HBS1L: variants seen among roughly 807,000 people sequenced by gnomAD.
HBS1L encodes HBS1 like translational GTPase.
In HBS1L, 55 loss-of-function variants were observed where a neutral mutation model predicts 88.9. The ratio of observed to expected loss-of-function variants is 0.62; its 90% CI spans 0.50 to 0.77. The LOEUF is 0.77. HBS1L is among the 30% of genes least tolerant of loss of function. The pLI is 0.00. For missense variants in HBS1L, 741 were observed against 829.3 expected, an observed-to-expected ratio of 0.89 and a Z score of 1.31; for synonymous variants, 267 against 288.5, an observed-to-expected ratio of 0.93 and a Z score of 0.76.
intron 4 of HBS1L, among the ~76,000 whole-genome samples, chr6:135,008,749 T>G (rs756173142): frequency 2.6e-5 from 4 of 152,066 alleles, no homozygotes; most frequent in Non-Finnish European, 5.9e-5. Context: ...CCCCAATTTA[T>G]GCTCTTCTGA....
intron 8 of HBS1L, among the ~76,000 whole-genome samples, chr6:134,990,341 C>T (rs1476459834): frequency 3.9e-5 from 6 of 152,274 alleles, no homozygotes; most frequent in African/African-American, 1.2e-4. Flanking sequence ...GTTCTTGCAG[C>T]GCAACTGTTA....
At chr6:134,968,428 T>C (rs1774381791) in intron 16 of HBS1L, among the ~76,000 whole-genome samples, 1 of 152,004 alleles carries the variant, frequency 6.6e-6, no homozygotes, top group African/African-American at 2.4e-5. Context: ...TTTGTATTTT[T>C]AGTAGAGACG....
intron 4 of HBS1L, among the ~76,000 whole-genome samples, chr6:135,017,401 T>G (rs1775952448): frequency 6.6e-6 from 1 of 152,152 alleles, no homozygotes; most frequent in Admixed American, 6.5e-5. Context: ...CATAAAATCC[T>G]CAACTGAATG....
Position 134,985,427 on chromosome 6 carries a change from CA to C in HBS1L, c.1424-19del. The C allele has an allele frequency of 1.3e-6, 2 of 1,541,868 alleles. No individual in the cohort carries two copies. The highest frequency in any genetic ancestry group is 1.8e-6 in the Non-Finnish European group (2 of 1,128,408). ...AAAGGAATCTGGAAAAAAGAAATTG[CA>C]AAAGGCAAGGTTTAATTTAAAATTA... is the stretch of plus-strand genomic sequence containing the variant. On this transcript the variant is annotated intron_variant, in intron 11 of 17. Coordinates refer to ENST00000367837, the MANE Select transcript of HBS1L (RefSeq NM_006620.4).
chr6:135,009,731 T>G (rs1775719232), intron 4 of HBS1L, among the ~76,000 whole-genome samples: 1 of 152,050 alleles, frequency 6.6e-6, no homozygotes, highest in Non-Finnish European at 1.5e-5. Context: ...CCTCCTGGGT[T>G]CACGCCATTC....
At chr6:134,977,327 T>C (rs959714217) in intron 15 of HBS1L, among the ~76,000 whole-genome samples, 2 of 152,016 alleles carry the variant, frequency 1.3e-5, no homozygotes, top group African/African-American at 4.8e-5. Flanking sequence ...AATATTATTA[T>C]TGCATGAGTA....
intron 4 of HBS1L, among the ~76,000 whole-genome samples, chr6:135,013,334 A>G (rs1212643358): frequency 6.6e-6 from 1 of 152,242 alleles, no homozygotes; most frequent in East Asian, 1.9e-4. Flanking sequence ...ATACCAGGAC[A>G]TTTACAAACA....
intron 7 of HBS1L, 57 bp from the exon 8 acceptor site, chr6:134,993,932 A>C: frequency 1.4e-6 from 1 of 729,378 alleles, no homozygotes; most frequent in Non-Finnish European, 2.3e-6. Context: ...TATAGAGTAA[A>C]TTAATAATAG....
chr6:135,018,357 T>A (rs1395329472), intron 4 of HBS1L, among the ~76,000 whole-genome samples: 3 of 152,022 alleles, frequency 2.0e-5, no homozygotes, highest in Non-Finnish European at 2.9e-5. Flanking sequence ...ATAACTTGCC[T>A]CATCAAATCC....
At position 134,962,871 on chromosome 6, in the gene HBS1L, C is replaced by T. The variant is rs1774216363; in HGVS notation, c.*2408G>A. 6.6e-6 allele frequency: 1 copy of T among 152,210 alleles called. No homozygotes were observed. Among genetic ancestry groups the T allele is most frequent in the African/African-American group, 2.4e-5 (1 of 41,462 alleles). The allele number at this position is 152,210 out of a possible 1,614,324, so 9.4% of individuals were successfully genotyped here. On this transcript the variant is annotated 3_prime_UTR_variant, in exon 18 of 18. Coordinates refer to ENST00000367837, the MANE Select transcript of HBS1L (RefSeq NM_006620.4). ...CTGCTTTACCTCTTTGTCACTTAAT[C>T]AACTCGAGCCTTCCACTGCCAACAG...
chr6:134,991,633 A>G (rs1583081895), intron 8 of HBS1L, among the ~76,000 whole-genome samples: 1 of 152,348 alleles, frequency 6.6e-6, no homozygotes. Context: ...TCAATCTTTT[A>G]TCACATTCAG....
Position 134,987,673 on chromosome 6 carries a change from A to G in HBS1L, c.1202T>C (p.Leu401Pro). The change falls in exon 9 of 18, where the codon CTT (leucine) becomes CCT (proline). Residue 401 changes from leucine (L) to proline (P), a missense_variant. Around this residue, in one of 3 missense-constraint regions of HBS1L, gnomAD observed 556 missense variants for 598.4 expected, o/e 0.93. Coordinates refer to ENST00000367837, the MANE Select transcript of HBS1L (RefSeq NM_006620.4). ...LLVRSLGVTQLAVAVNKMDQV... is the reference protein window; with the variant it reads ...LLVRSLGVTQPAVAVNKMDQV... ...ATCCATTTTATTAACTGCAACTGCA[A>G]GCTGCGTCACTCCCAGAGAACGGAC... 6.2e-7 allele frequency: 1 copy of G among 1,603,524 alleles called. No homozygotes were observed. The highest frequency in any genetic ancestry group is 8.5e-7 in the Non-Finnish European group (1 of 1,175,242).
At chr6:134,966,592 CAAG>C (rs1774322875) in intron 16 of HBS1L, 119 bp from the exon 17 acceptor site, 7 of 622,394 alleles carry the variant, frequency 1.1e-5, no homozygotes, top group South Asian at 1.0e-4. Flanking sequence ...CTTTCAAAAA[CAAG>C]AAAAATATTT....
At chr6:134,966,503 A>G in intron 16 of HBS1L, 30 bp from the exon 17 acceptor site, 2 of 1,480,064 alleles carry the variant, frequency 1.4e-6, no homozygotes, top group Non-Finnish European at 1.8e-6. Flanking sequence ...ACAAATGAAT[A>G]TATGATAGAG....
At chr6:134,969,381 A>T (rs1399347890) in intron 15 of HBS1L, 43 bp from the exon 16 acceptor site, 1 of 1,192,154 alleles carries the variant, frequency 8.4e-7, no homozygotes, top group Non-Finnish European at 1.3e-6. Flanking sequence ...CTACCACAGT[A>T]TCTCTGGCCT....
chr6:134,998,480 C>CT (rs1219573660), intron 5 of HBS1L, among the ~76,000 whole-genome samples: 1 of 152,158 alleles, frequency 6.6e-6, no homozygotes, highest in Non-Finnish European at 1.5e-5. Context: ...CCTCACTTTG[C>CT]TTTAACAACT....
In HBS1L at chr6:134,964,516, T is replaced by C. The variant is rs1411983851; in HGVS notation, c.*763A>G. 1 of 152,142 alleles carries C rather than the reference T, an allele frequency of 6.6e-6. No individual in the cohort carries two copies. The highest frequency in any genetic ancestry group is 1.5e-5 in the Non-Finnish European group (1 of 68,010). 9.4% of individuals were successfully genotyped at this position (152,142 alleles called of 1,614,324 possible). A position where few individuals can be genotyped will look rare whatever the true frequency, so the allele number is the denominator to read the frequency against. ...TGCCATTAGGATAAAAAAGAATTCATGTGACAGAGCTAGGAAACTCTTAGG... is the reference window on the plus strand; with the variant it reads ...TGCCATTAGGATAAAAAAGAATTCACGTGACAGAGCTAGGAAACTCTTAGG... On this transcript the variant is annotated 3_prime_UTR_variant, in exon 18 of 18. Transcript: ENST00000367837.
intron 12 of HBS1L, among the ~76,000 whole-genome samples, chr6:134,983,955 C>A (rs1774907112): frequency 6.6e-6 from 1 of 152,124 alleles, no homozygotes; most frequent in Non-Finnish European, 1.5e-5. Context: ...TGGCTACCAG[C>A]ATCAGAACCA....
intron 4 of HBS1L, chr6:135,035,889 G>A (rs1307718805): frequency 7.3e-6 from 5 of 683,746 alleles, no homozygotes; most frequent in African/African-American, 2.0e-5. Context: ...TTATTTTAAA[G>A]TGTATACTTA....
Sources: allele counts gnomAD v4.1 joint callset (sites outside exome capture counted in the v4.1 genomes callset), GRCh38; gene constraint gnomAD v4.1.1; regional missense constraint gnomAD v4.1.1; transcripts MANE v1.5; gene names NCBI Gene and HGNC (gene_info 2026-07-23, HGNC 2026-07-21).